Variants in ZYG11B observed in about 807,000 individuals in gnomAD.
ZYG11B encodes zyg-11 family member B, cell cycle regulator.
In ZYG11B, 36 loss-of-function variants were observed where a neutral mutation model predicts 82.4. That is an observed-to-expected ratio of 0.44 (90% CI 0.33 to 0.58). The LOEUF is 0.58. ZYG11B is among the 20% of genes least tolerant of loss of function. ZYG11B has a pLI of 0.02. For synonymous variants in ZYG11B, 303 were observed against 312.8 expected, an observed-to-expected ratio of 0.97 and a Z score of 0.33; for missense variants, 552 against 895.6, an observed-to-expected ratio of 0.62 and a Z score of 4.90.
chr1:52,772,631 A>G, intron 3 of ZYG11B: 12 of 998,356 alleles, frequency 1.2e-5, no homozygotes, highest in Non-Finnish European at 1.9e-5. Flanking sequence ...CCTTCTCAGG[A>G]GCACGCATAC....
At chr1:52,727,105 A>G (rs1334627265) in intron 1 of ZYG11B, among the ~76,000 whole-genome samples, 6 of 146,226 alleles carry the variant, frequency 4.1e-5, no homozygotes, top group Admixed American at 4.1e-4. Flanking sequence ...ACCCCTCTTC[A>G]CCATTTTATC....
intron 2 of ZYG11B, among the ~76,000 whole-genome samples, chr1:52,766,986 T>G (rs1282868338): frequency 1.3e-5 from 2 of 148,462 alleles, no homozygotes; most frequent in Admixed American, 1.4e-4. Flanking sequence ...CCAGCCTGGG[T>G]GAAAAGCGAG....
intron 4 of ZYG11B, among the ~76,000 whole-genome samples, chr1:52,784,000 AG>A: frequency 6.6e-6 from 1 of 151,404 alleles, no homozygotes; most frequent in Non-Finnish European, 1.5e-5. Flanking sequence ...ATATATATAG[AG>A]AGAGAGAGAG....
chr1:52,743,423 A>G (rs900992207), intron 1 of ZYG11B, among the ~76,000 whole-genome samples: 2 of 150,986 alleles, frequency 1.3e-5, no homozygotes, highest in Admixed American at 6.6e-5. Flanking sequence ...AAAAAAAAAA[A>G]AGTAAAAGTT....
chr1:52,781,298 A>G (rs1002526030), intron 4 of ZYG11B, among the ~76,000 whole-genome samples: 2 of 152,148 alleles, frequency 1.3e-5, no homozygotes, highest in African/African-American at 4.8e-5. Flanking sequence ...CAGGAGTTCA[A>G]GACCAGCCTG....
intron 2 of ZYG11B, among the ~76,000 whole-genome samples, chr1:52,763,124 A>G (rs1256919763): frequency 6.6e-6 from 1 of 151,922 alleles, no homozygotes; most frequent in Non-Finnish European, 1.5e-5. Context: ...ATTAATTTCT[A>G]GGGTTTCTCT....
chr1:52,803,040 A>G (rs567404399), intron 10 of ZYG11B, among the ~76,000 whole-genome samples: 15 of 120,358 alleles, frequency 1.2e-4, no homozygotes, highest in African/African-American at 4.5e-4. Context: ...CTACAACTTT[A>G]TTTTTTTTTT....
chr1:52,817,338 G>T (rs59292542), intron 13 of ZYG11B, among the ~76,000 whole-genome samples: 1 of 152,132 alleles, frequency 6.6e-6, no homozygotes, highest in African/African-American at 2.4e-5. Context: ...GGTTTCTGAA[G>T]AAGCAAAGTG....
chr1:52,771,545 A>G lies in ZYG11B; in HGVS notation c.722A>G (p.His241Arg). The change falls in exon 3 of 14, where the codon CAT becomes CGT. Residue 241 changes from histidine (H) to arginine (R), a missense_variant. Coordinates refer to ENST00000294353, the MANE Select transcript of ZYG11B (RefSeq NM_024646.3). The surrounding 1 kb of genome is among the most constrained non-coding windows in gnomAD (Gnocchi z 5.4). ...DVVRELKHLN[H>R]LDISDDKQFT... is the part of the protein sequence containing the mutation. ...GTTCGGGAACTCAAACATCTGAATC[A>G]TCTTGATATCTCAGATGATAAACAG... 1 of 1,614,198 alleles carries G rather than the reference A, an allele frequency of 6.2e-7. No homozygotes were observed. Among genetic ancestry groups the G allele is most frequent in the Non-Finnish European group, 8.5e-7 (1 of 1,180,032 alleles).
intron 10 of ZYG11B, among the ~76,000 whole-genome samples, chr1:52,807,290 C>G (rs994131800): frequency 2.0e-5 from 3 of 151,818 alleles, no homozygotes; most frequent in African/African-American, 7.3e-5. Flanking sequence ...GCGTGAGGCA[C>G]CATCCCAGCC....
At chr1:52,741,063 C>T (rs535576152) in intron 1 of ZYG11B, among the ~76,000 whole-genome samples, 11 of 151,288 alleles carry the variant, frequency 7.3e-5, no homozygotes, top group African/African-American at 2.2e-4. Context: ...TTTGGGAGGC[C>T]GAGGCGGGTG....
At chr1:52,807,277 CAGGCGTG>C (rs1438943808) in intron 10 of ZYG11B, among the ~76,000 whole-genome samples, 1 of 151,436 alleles carries the variant, frequency 6.6e-6, no homozygotes, top group Non-Finnish European at 1.5e-5. Context: ...GCTGGGATTA[CAGGCGTG>C]AGGCACCATC....
intron 4 of ZYG11B, among the ~76,000 whole-genome samples, chr1:52,783,463 A>G (rs979332347): frequency 1.3e-5 from 2 of 152,086 alleles, no homozygotes. Context: ...ATATACATGA[A>G]GGGATTTGTT....
rs1644378554 is a variant in ZYG11B, at chr1:52,736,373, G to A, written c.30+9690G>A. On this transcript the variant is annotated intron_variant, in intron 1 of 13. Coordinates refer to ENST00000294353, the MANE Select transcript of ZYG11B (RefSeq NM_024646.3). ...CAGCTCACTAGAACCTCTGCCTCCCGGGATCAAGTGATTCTCCCACCTCAG... is the reference window on the plus strand; with the variant it reads ...CAGCTCACTAGAACCTCTGCCTCCCAGGATCAAGTGATTCTCCCACCTCAG... 2.6e-5 allele frequency among the ~76,000 whole-genome samples: 4 copies of A among 152,016 alleles called. No individual in the cohort carries two copies. The South Asian group carries it at 6.2e-4, about 24-fold the overall frequency.
At chr1:52,802,338 CTCTTTTTTTTTTTTT>C (rs1468814377) in intron 10 of ZYG11B, among the ~76,000 whole-genome samples, 199 bp downstream of exon 10, 1 of 131,854 alleles carries the variant, frequency 7.6e-6, no homozygotes, top group African/African-American at 3.1e-5. Flanking sequence ...CTTTCTTTCT[CTCTTTTTTTTTTTTT>C]TTTTTTTTTT....
Position 52,726,601 on chromosome 1 carries a change from G to A in ZYG11B, c.-53G>A, listed in dbSNP as rs899423255. On this transcript the variant is annotated 5_prime_UTR_variant, in exon 1 of 14. Transcript: ENST00000294353. ...CTCCTGGAGCCTCCGCGCCGGCTCA[G>A]CCTGGGGGCGGGCTCCGGTCCGGCC... 5.0e-6 allele frequency: 7 copies of A among 1,393,038 alleles called. No individual in the cohort carries two copies. The highest frequency in any genetic ancestry group is 4.5e-5 in the African/African-American group (3 of 66,102). The allele number at this position is 1,393,038 out of a possible 1,614,324, so 86.3% of individuals were successfully genotyped here.
chr1:52,797,319 A>AAT (rs543365488), intron 8 of ZYG11B, among the ~76,000 whole-genome samples: 1 of 87,808 alleles, frequency 1.1e-5, no homozygotes, highest in Non-Finnish European at 2.0e-5. Context: ...ATATACATAT[A>AAT]ATATATATAT....
At chr1:52,812,886 C>CTGGCTAA (rs1441811084) in intron 10 of ZYG11B, among the ~76,000 whole-genome samples, 7 of 151,110 alleles carry the variant, frequency 4.6e-5, no homozygotes, top group Non-Finnish European at 1.0e-4. Context: ...ACCACCACAC[C>CTGGCTAA]TGGCTAATTT....
At chr1:52,776,967 T>C (rs1019224301) in intron 3 of ZYG11B, among the ~76,000 whole-genome samples, 1 of 152,090 alleles carries the variant, frequency 6.6e-6, no homozygotes, top group African/African-American at 2.4e-5. Context: ...CCCAGCACTT[T>C]AGGAGGCCGA....
Sources: allele counts gnomAD v4.1 joint callset (sites outside exome capture counted in the v4.1 genomes callset), GRCh38; gene constraint gnomAD v4.1.1; non-coding constraint Gnocchi (gnomAD v3.1); transcripts MANE v1.5; gene names NCBI Gene and HGNC (gene_info 2026-07-23, HGNC 2026-07-21).